Variants in DNAJC1 observed in about 807,000 individuals in gnomAD.
The protein encoded by DNAJC1 is dnaJ homolog subfamily C member 1.
A neutral mutation model predicts 76.6 loss-of-function variants in DNAJC1; 58 were observed. The ratio of observed to expected loss-of-function variants is 0.76; its 90% CI spans 0.61 to 0.94. DNAJC1 has a LOEUF of 0.94. Among genes scored for constraint, DNAJC1 ranks in the 40% least tolerant of loss-of-function variants. DNAJC1 has a pLI of 0.00. For missense variants in DNAJC1, 689 were observed against 677.3 expected, an observed-to-expected ratio of 1.02 and a Z score of -0.19; for synonymous variants, 258 against 267.9, an observed-to-expected ratio of 0.96 and a Z score of 0.36.
At position 21,759,757 on chromosome 10, in the gene DNAJC1, C is replaced by G. The variant is rs1834219789; in HGVS notation, c.1148-139G>C. The stretch of plus-strand genomic sequence containing the variant: ...GGTTTAATTTCATTTCCACACTACT[C>G]TATTCTAGAAAGATAGGGATCATTA... On this transcript the variant is annotated intron_variant, in intron 10 of 11. Transcript: ENST00000376980. 4 of 719,054 alleles carry G rather than the reference C, an allele frequency of 5.6e-6. No homozygotes were observed. In the East Asian group the frequency reaches 8.1e-5, roughly 14 times the overall value. 44.5% of individuals were successfully genotyped at this position (719,054 alleles called of 1,614,324 possible).
intron 8 of DNAJC1, among the ~76,000 whole-genome samples, chr10:21,834,868 C>T (rs971834989): frequency 6.6e-6 from 1 of 152,224 alleles, no homozygotes; most frequent in African/African-American, 2.4e-5. Context: ...CTCAAGGACG[C>T]CTGCCTACCT....
chr10:21,963,730 AT>A (rs1366207474), intron 1 of DNAJC1, among the ~76,000 whole-genome samples: 2 of 151,692 alleles, frequency 1.3e-5, no homozygotes, highest in African/African-American at 2.4e-5. Flanking sequence ...TTTGTCATTT[AT>A]TTTTTCATTG....
chr10:21,804,372 C>G (rs1449797798), intron 9 of DNAJC1, among the ~76,000 whole-genome samples: 1 of 151,790 alleles, frequency 6.6e-6, no homozygotes, highest in Non-Finnish European at 1.5e-5. Flanking sequence ...CCTTTTTAAA[C>G]CAATGTTTTA....
intron 8 of DNAJC1, among the ~76,000 whole-genome samples, chr10:21,869,921 T>A (rs1836074938): frequency 6.6e-6 from 1 of 152,056 alleles, no homozygotes. Context: ...TATAATTTTA[T>A]TTATTTTAAA....
At position 21,919,082 on chromosome 10, in the gene DNAJC1, T is replaced by C. The variant is rs527585236; in HGVS notation, c.636-210A>G. Among the ~76,000 whole-genome samples, 5 of 152,164 alleles carry C rather than the reference T, an allele frequency of 3.3e-5. No homozygotes were observed. The East Asian group carries it at 9.6e-4, about 29-fold the overall frequency. On this transcript the variant is annotated intron_variant, in intron 5 of 11. Transcript: ENST00000376980. ...CACAACAAATGCAATATATATAGCA[T>C]GTAAGAGAATCTAGGCTAAGATTTT...
intron 1 of DNAJC1, among the ~76,000 whole-genome samples, chr10:21,992,915 T>C (rs779914878): frequency 6.6e-6 from 1 of 152,168 alleles, no homozygotes; most frequent in African/African-American, 2.4e-5. Flanking sequence ...CATTCTGACA[T>C]CCAGGCTAAG....
intron 1 of DNAJC1, among the ~76,000 whole-genome samples, chr10:21,974,593 C>G (rs935943603): frequency 6.6e-6 from 1 of 152,226 alleles, no homozygotes; most frequent in Middle Eastern, 3.4e-3. Context: ...AAAGTAAGTA[C>G]CTTTTACCCT....
chr10:21,925,309 G>C (rs1006490469), intron 3 of DNAJC1, among the ~76,000 whole-genome samples: 2 of 152,144 alleles, frequency 1.3e-5, no homozygotes, highest in African/African-American at 4.8e-5. Flanking sequence ...ACTGCGCCCA[G>C]CCAGCATTGT....
chr10:21,895,936 A>G (rs1419888442), intron 7 of DNAJC1, among the ~76,000 whole-genome samples: 1 of 152,172 alleles, frequency 6.6e-6, no homozygotes, highest in Non-Finnish European at 1.5e-5. Context: ...CAGCTCATGC[A>G]GGCCACCACT....
At chr10:22,003,100 G>A (rs952228184) in intron 1 of DNAJC1, 113 bp downstream of exon 1, 164 of 1,337,772 alleles carry the variant, frequency 1.2e-4, no homozygotes, top group Non-Finnish European at 1.5e-4. Context: ...AGGGCAGCCA[G>A]AGCCCGGGGT....
chr10:21,875,096 GTCTTGAAC>G (rs889197440), intron 8 of DNAJC1, among the ~76,000 whole-genome samples: 5 of 152,200 alleles, frequency 3.3e-5, no homozygotes, highest in African/African-American at 1.2e-4. Flanking sequence ...GGCCAGGCTG[GTCTTGAAC>G]TCCTGACCTC....
chr10:21,934,162 T>G (rs1249968265), intron 1 of DNAJC1, among the ~76,000 whole-genome samples: 3 of 151,852 alleles, frequency 2.0e-5, no homozygotes, highest in Admixed American at 2.0e-4. Context: ...TGATCCTGTG[T>G]AGGCCTAAGC....
intron 1 of DNAJC1, among the ~76,000 whole-genome samples, chr10:21,960,540 T>C (rs1257173844): frequency 6.6e-6 from 1 of 152,032 alleles, no homozygotes; most frequent in African/African-American, 2.4e-5. Context: ...AGTGAGACCT[T>C]GTCCCGACAA....
At chr10:21,972,804 A>G (rs907399036) in intron 1 of DNAJC1, among the ~76,000 whole-genome samples, 2 of 152,060 alleles carry the variant, frequency 1.3e-5, no homozygotes, top group Admixed American at 6.5e-5. Flanking sequence ...AGTTGCTGAT[A>G]TATTTCCTGT....
chr10:21,962,459 C>CTTTTTTTTTTTTTTT (rs34817098), intron 1 of DNAJC1, among the ~76,000 whole-genome samples: 2 of 39,890 alleles, frequency 5.0e-5, no homozygotes, highest in Non-Finnish European at 8.0e-5. Context: ...TATTTTATTG[C>CTTTTTTTTTTTTTTT]TTTTTTTTTT....
intron 9 of DNAJC1, among the ~76,000 whole-genome samples, chr10:21,793,270 C>T (rs1834712604): frequency 6.6e-6 from 1 of 152,150 alleles, no homozygotes; most frequent in South Asian, 2.1e-4. Context: ...TGTGCCATTG[C>T]TCTCCAGCCT....
chr10:21,919,620 T>C lies in DNAJC1; in HGVS notation c.635+212A>G, dbSNP rs543685922. ...GAATTTGAGGGATTATTTAAATATA[T>C]AGTCACACTTTATATGGGGGAAAAA... On this transcript the variant is annotated intron_variant, in intron 5 of 11. Coordinates refer to ENST00000376980, the MANE Select transcript of DNAJC1 (RefSeq NM_022365.4). Among the ~76,000 whole-genome samples the C allele has an allele frequency of 2.5e-4, 38 of 152,060 alleles. No homozygotes were observed. In the East Asian group the frequency reaches 6.4e-3, roughly 25 times the overall value.
chr10:21,967,375 T>C (rs2131824664), intron 1 of DNAJC1, among the ~76,000 whole-genome samples: 2 of 152,334 alleles, frequency 1.3e-5, no homozygotes, highest in Middle Eastern at 3.4e-3. Flanking sequence ...TCTTCCCTTT[T>C]TTTAAATTGC....
intron 1 of DNAJC1, among the ~76,000 whole-genome samples, chr10:21,952,332 T>A (rs1205317958): frequency 6.6e-6 from 1 of 152,212 alleles, no homozygotes; most frequent in Non-Finnish European, 1.5e-5. Flanking sequence ...ATATTTTGAG[T>A]CCATAAAAAC....
Sources: allele counts gnomAD v4.1 joint callset (sites outside exome capture counted in the v4.1 genomes callset), GRCh38; gene constraint gnomAD v4.1.1; transcripts MANE v1.5; gene names NCBI Gene and HGNC (gene_info 2026-07-23, HGNC 2026-07-21).